SLC13A1: variants seen among roughly 807,000 people sequenced by gnomAD.
SLC13A1 encodes solute carrier family 13 member 1, also known as Na(+)/sulfate cotransporter.
A neutral mutation model predicts 70.0 loss-of-function variants in SLC13A1; 65 were observed. The observed-to-expected ratio is 0.93, with a 90% CI of 0.76 to 1.14. The LOEUF (loss-of-function observed/expected upper bound fraction) is 1.14. Ranked by LOEUF, SLC13A1 falls within the 50% of genes most tolerant of loss-of-function variation. SLC13A1 has a pLI of 0.00. For missense variants in SLC13A1, 726 were observed against 717.8 expected (o/e 1.01, Z -0.13); for synonymous variants, 275 against 250.5 (o/e 1.10, Z -0.92).
At chr7:123,154,772 A>T (rs1031697182) in intron 6 of SLC13A1, among the ~76,000 whole-genome samples, 3 of 152,078 alleles carry the variant, frequency 2.0e-5, no homozygotes, top group Non-Finnish European at 4.4e-5. Flanking sequence ...ATTCACATCA[A>T]TATTCTGCCA....
At chr7:123,190,281 G>A (rs1344382411) in intron 1 of SLC13A1, among the ~76,000 whole-genome samples, 1 of 152,114 alleles carries the variant, frequency 6.6e-6, no homozygotes, top group African/African-American at 2.4e-5. Flanking sequence ...ACAGAGTAGG[G>A]TTGACACTAA....
At chr7:123,190,318 TG>T in intron 1 of SLC13A1, 1 of 331,368 alleles carries the variant, frequency 3.0e-6, no homozygotes, top group Non-Finnish European at 6.0e-6. Context: ...TGATGCAGAC[TG>T]GCTTGGGGAT....
In SLC13A1 at chr7:123,129,891, C is replaced by T. The variant is rs760039944; in HGVS notation, c.933-410G>A. On this transcript the variant is annotated intron_variant, in intron 8 of 14. Transcript: ENST00000194130. ...TGTATCTTGGTTGTTAATTCTTCCA[C>T]GCATGTAAGTTTTAGCCCACTAGTT... Among the ~76,000 whole-genome samples the T allele has an allele frequency of 7.2e-5, 11 of 152,202 alleles. No homozygotes were observed. In the South Asian group the frequency reaches 8.3e-4, roughly 11 times the overall value.
At chr7:123,161,154 A>G (rs1246470871) in intron 6 of SLC13A1, among the ~76,000 whole-genome samples, 1 of 151,628 alleles carries the variant, frequency 6.6e-6, no homozygotes, top group Non-Finnish European at 1.5e-5. Flanking sequence ...AAATAGACAT[A>G]GTTTGGAAAG....
Position 123,129,390 on chromosome 7 carries a change from G to A in SLC13A1, c.1024C>T (p.Pro342Ser), listed in dbSNP as rs1467407843. ...VIKQEYQKLG[P>S]IRYQEIVTLV... ...TGTGTGTGTTTGTCTTACCTTATTG[G>A]CCCAAGCTTTTGGTATTCTTGCTTA... The change falls in exon 9 of 15, where the codon CCA (proline) becomes TCA (serine). Residue 342 changes from proline (P) to serine (S), a missense_variant. Pro to Ser is a moderately conservative substitution (Grantham distance 74, BLOSUM62 -1). Transcript: ENST00000194130. 10 of 1,565,982 alleles carry A rather than the reference G, an allele frequency of 6.4e-6. No homozygotes were observed. Among genetic ancestry groups the A allele is most frequent in the Non-Finnish European group, 7.8e-6 (9 of 1,154,424 alleles).
chr7:123,136,679 T>A (rs1793959447), intron 7 of SLC13A1, among the ~76,000 whole-genome samples: 1 of 152,134 alleles, frequency 6.6e-6, no homozygotes. Flanking sequence ...GGTCTGGGCT[T>A]TCATGAACTT....
intron 6 of SLC13A1, among the ~76,000 whole-genome samples, chr7:123,156,511 A>G (rs190083958): frequency 1.3e-5 from 2 of 152,242 alleles, no homozygotes; most frequent in East Asian, 1.9e-4. Context: ...TCCATAGTGC[A>G]CAGAGGAATT....
chr7:123,131,617 A>T (rs1793763334), intron 8 of SLC13A1, among the ~76,000 whole-genome samples: 1 of 152,224 alleles, frequency 6.6e-6, no homozygotes, highest in Non-Finnish European at 1.5e-5. Context: ...AATACCCAAC[A>T]TACTAATCAG....
intron 6 of SLC13A1, among the ~76,000 whole-genome samples, chr7:123,158,155 A>G (rs1300578313): frequency 1.3e-5 from 2 of 152,084 alleles, no homozygotes; most frequent in Non-Finnish European, 2.9e-5. Context: ...AGAACCAGCA[A>G]TAAATAAATA....
intron 1 of SLC13A1, among the ~76,000 whole-genome samples, chr7:123,195,353 G>C (rs1192931933): frequency 6.6e-6 from 1 of 151,828 alleles, no homozygotes; most frequent in Non-Finnish European, 1.5e-5. Context: ...ATTTAAAACA[G>C]TATCAATTAT....
chr7:123,197,418 A>G (rs115244313), intron 1 of SLC13A1, among the ~76,000 whole-genome samples: 1,675 of 152,204 alleles, frequency 0.011, 24 homozygotes, highest in African/African-American at 0.038. Context: ...CAGTTTGGTA[A>G]CCTAAAAGTT....
At chr7:123,147,626 A>G (rs1794409571) in intron 6 of SLC13A1, among the ~76,000 whole-genome samples, 1 of 152,108 alleles carries the variant, frequency 6.6e-6, no homozygotes, top group Non-Finnish European at 1.5e-5. Context: ...CTCACCAGAC[A>G]CTGACCCTGC....
At chr7:123,170,653 G>A (rs1795239172) in intron 3 of SLC13A1, among the ~76,000 whole-genome samples, 1 of 151,464 alleles carries the variant, frequency 6.6e-6, no homozygotes, top group Non-Finnish European at 1.5e-5. Context: ...TTTTGAGACA[G>A]AGTCTCACTC....
chr7:123,184,113 C>T (rs1210745402), intron 1 of SLC13A1, among the ~76,000 whole-genome samples: 1 of 152,064 alleles, frequency 6.6e-6, no homozygotes, highest in African/African-American at 2.4e-5. Context: ...AGTTATTCCC[C>T]TCTGAATGCT....
chr7:123,123,299 G>T, intron 11 of SLC13A1, 64 bp from the exon 12 acceptor site: 1 of 1,012,372 alleles, frequency 9.9e-7, no homozygotes, highest in Non-Finnish European at 1.6e-6. Context: ...ATTTGCTTCA[G>T]CATCCTAAGT....
intron 2 of SLC13A1, among the ~76,000 whole-genome samples, chr7:123,172,464 T>C (rs1795308009): frequency 6.6e-6 from 1 of 152,130 alleles, no homozygotes; most frequent in African/African-American, 2.4e-5. Flanking sequence ...CTACCAAAAA[T>C]ACAAAATACT....
chr7:123,181,045 T>A lies in SLC13A1; in HGVS notation c.156A>T (p.Ala52=). The A allele has an allele frequency of 6.2e-7, 1 of 1,612,894 alleles. No individual in the cohort carries two copies. The highest frequency in any genetic ancestry group is 8.5e-7 in the Non-Finnish European group (1 of 1,179,184). The part of the protein sequence containing the change: ...FVVATFWLTE[A]LPLSVTALLP... ...GCAAAGCTGTTACCGACAGAGGCAA[T>A]GCTTCTGTGAGCCAAAATGTGGCGA... Residue 52 remains alanine, a synonymous_variant, in exon 2 of 15, where the codon GCA becomes GCT. Coordinates refer to ENST00000194130, the MANE Select transcript of SLC13A1 (RefSeq NM_022444.4).
chr7:123,125,762 A>G, intron 10 of SLC13A1, 87 bp from the exon 11 acceptor site: 7 of 891,256 alleles, frequency 7.9e-6, no homozygotes, highest in African/African-American at 1.7e-5. Context: ...ACATATCAGT[A>G]ATAGGTTATT....
chr7:123,141,268 A>C (rs893311836), intron 7 of SLC13A1, among the ~76,000 whole-genome samples: 6 of 152,090 alleles, frequency 3.9e-5, no homozygotes, highest in African/African-American at 1.4e-4. Flanking sequence ...TTGTGGTTAG[A>C]GAAGATGTTT....
Sources: gnomAD v4.1 joint callset for allele counts (sites outside exome capture counted in the v4.1 genomes callset) on GRCh38, gnomAD v4.1.1 for gene constraint, MANE v1.5 for transcripts, NCBI Gene and HGNC (gene_info 2026-07-23, HGNC 2026-07-21) for gene names.